The following RIOK3 variants were observed in gnomAD, a reference collection of about 807,000 sequenced individuals.
The protein encoded by RIOK3 is serine/threonine-protein kinase RIO3.
Under a neutral mutation model 63.5 loss-of-function variants are expected in RIOK3, and 40 were observed. That is an observed-to-expected ratio of 0.63 (90% CI 0.49 to 0.82). RIOK3 has a LOEUF of 0.82. Among genes scored for constraint, RIOK3 ranks in the 40% least tolerant of loss-of-function variants. The probability of loss-of-function intolerance (pLI) is 0.00; values close to 1 mark genes in which losing one functional copy is unlikely to be tolerated. For missense variants in RIOK3, 557 were observed against 637.0 expected, an observed-to-expected ratio of 0.87 and a Z score of 1.35; for synonymous variants, 193 against 205.0, an observed-to-expected ratio of 0.94 and a Z score of 0.50.
rs560105020 is a variant in RIOK3, at chr18:23,477,012, C to T, written c.1180C>T (p.Arg394Trp). 3.1e-4 allele frequency: 492 copies of T among 1,612,434 alleles called. 3 individuals are homozygous for T. The South Asian group carries it at 4.7e-3, about 15-fold the overall frequency. ...EAYYQTLHLM[R>W]QLYHECTLVH... ...GTGCCTTCCCTCTTCACAGTTGATG[C>T]GGCAGTTATATCATGAATGTACGCT... Residue 394 changes from arginine (R) to tryptophan (W), a missense_variant, in exon 10 of 13, where the codon CGG (arginine) becomes TGG (tryptophan). Arg to Trp is a moderately radical substitution (Grantham distance 101). Around this residue, in one of 3 missense-constraint regions of RIOK3, gnomAD observed 309 missense variants for 338.7 expected, o/e 0.91. Coordinates refer to ENST00000339486, the MANE Select transcript of RIOK3 (RefSeq NM_003831.5).
At chr18:23,461,829 C>T (rs1380210681) in intron 1 of RIOK3, among the ~76,000 whole-genome samples, 1 of 151,988 alleles carries the variant, frequency 6.6e-6, no homozygotes, top group Non-Finnish European at 1.5e-5. Context: ...GTGGCTCACA[C>T]CTGTAATCCC....
intron 1 of RIOK3, among the ~76,000 whole-genome samples, chr18:23,461,182 C>T (rs1317765056): frequency 6.6e-6 from 1 of 152,186 alleles, no homozygotes; most frequent in Non-Finnish European, 1.5e-5. Flanking sequence ...CTCTGAGTGT[C>T]ATGCAGCAGG....
At chr18:23,467,746 C>T (rs559960194) in intron 7 of RIOK3, among the ~76,000 whole-genome samples, 2 of 151,316 alleles carry the variant, frequency 1.3e-5, no homozygotes, top group African/African-American at 2.4e-5. Flanking sequence ...TAGACTTCTC[C>T]AGTTTTTTTC....
At chr18:23,470,544 T>C (rs1020327395) in intron 7 of RIOK3, among the ~76,000 whole-genome samples, 4 of 152,234 alleles carry the variant, frequency 2.6e-5, no homozygotes, top group African/African-American at 7.2e-5. Flanking sequence ...ATGATAGTTA[T>C]TGCCTCTGGT....
At chr18:23,476,217 GA>G (rs2057489999) in intron 9 of RIOK3, among the ~76,000 whole-genome samples, 1 of 152,164 alleles carries the variant, frequency 6.6e-6, no homozygotes, top group Non-Finnish European at 1.5e-5. Flanking sequence ...GAATCTCAAG[GA>G]AACTACATGC....
chr18:23,465,456 C>G (rs1182894334), intron 5 of RIOK3, among the ~76,000 whole-genome samples: 1 of 151,936 alleles, frequency 6.6e-6, no homozygotes, highest in African/African-American at 2.4e-5. Flanking sequence ...GATTTTAAAG[C>G]ACAAATGCTT....
At chr18:23,472,232 C>CAAAA in intron 7 of RIOK3, among the ~76,000 whole-genome samples, 1 of 138,908 alleles carries the variant, frequency 7.2e-6, no homozygotes, top group African/African-American at 2.6e-5. Flanking sequence ...GACTCTGTCT[C>CAAAA]AAAAAAAAAA....
intron 1 of RIOK3, among the ~76,000 whole-genome samples, chr18:23,459,479 C>CTA (rs2057360794): frequency 6.6e-6 from 1 of 152,254 alleles, no homozygotes; most frequent in Non-Finnish European, 1.5e-5. Flanking sequence ...TGCATGAACC[C>CTA]TAATACAGTG....
intron 1 of RIOK3, among the ~76,000 whole-genome samples, chr18:23,455,932 G>A (rs552824136): frequency 2.0e-5 from 3 of 152,188 alleles, no homozygotes; most frequent in South Asian, 2.1e-4. Flanking sequence ...CAAGTAGCTG[G>A]GACTACAGGT....
In RIOK3 at chr18:23,464,626, A is replaced by G; in HGVS notation, c.541A>G (p.Asn181Asp). ...GAGAAAGAACACAGCAAGAATGGAAAATGTAAGTTACAGAAAGTATCTATC... is the reference window on the plus strand; with the variant it reads ...GAGAAAGAACACAGCAAGAATGGAAGATGTAAGTTACAGAAAGTATCTATC... The part of the protein sequence containing the change: ...CGRKNTARME[N>D]FAPEFQVGDG... The change falls in exon 5 of 13, where the codon AAT (asparagine) becomes GAT (aspartate). Residue 181 changes from asparagine (N) to aspartate (D), a missense_variant and splice_region_variant. Asn to Asp is a conservative substitution (Grantham distance 23). Around this residue, in one of 3 missense-constraint regions of RIOK3, gnomAD observed 243 missense variants for 275.4 expected, o/e 0.88. Coordinates refer to ENST00000339486, the MANE Select transcript of RIOK3 (RefSeq NM_003831.5). The G allele has an allele frequency of 6.4e-7, 1 of 1,555,888 alleles. No individual in the cohort carries two copies. The highest frequency in any genetic ancestry group is 1.2e-5 in the South Asian group (1 of 83,922).
chr18:23,457,363 A>G (rs564075384), intron 1 of RIOK3, among the ~76,000 whole-genome samples: 21 of 152,372 alleles, frequency 1.4e-4, no homozygotes, highest in East Asian at 1.3e-3. Context: ...ATCAAAAACA[A>G]GGAAAGTCTG....
chr18:23,478,176 G>A (rs1283924139), intron 11 of RIOK3, among the ~76,000 whole-genome samples: 1 of 152,084 alleles, frequency 6.6e-6, no homozygotes, highest in Non-Finnish European at 1.5e-5. Flanking sequence ...TTAAACAGAA[G>A]CTGGTGTGCC....
intron 7 of RIOK3, among the ~76,000 whole-genome samples, chr18:23,471,096 A>C (rs1201837725): frequency 6.6e-6 from 1 of 152,248 alleles, no homozygotes; most frequent in African/African-American, 2.4e-5. Context: ...TCTCTGGTCT[A>C]ATGGAATATG....
intron 7 of RIOK3, among the ~76,000 whole-genome samples, chr18:23,469,487 CTTCTTTCTTTTTTTTTTT>C (rs1428472575): frequency 1.4e-5 from 2 of 138,904 alleles, no homozygotes; most frequent in African/African-American, 5.4e-5. Flanking sequence ...TTTTTCTTTC[CTTCTTTCTTTTTTTTTTT>C]GAGATGGAGT....
chr18:23,454,963 G>A (rs185040444), intron 1 of RIOK3, among the ~76,000 whole-genome samples: 57 of 152,300 alleles, frequency 3.7e-4, no homozygotes, highest in Admixed American at 5.2e-4. Flanking sequence ...AAAAATGGAA[G>A]GATTCTCAAA....
At position 23,464,229 on chromosome 18, in the gene RIOK3, C is replaced by T. The variant is rs756927666; in HGVS notation, c.349C>T (p.Arg117Ter). The change falls in exon 4 of 13, where the codon CGA becomes TGA. Residue 117 changes from arginine to a stop codon, truncating the protein, a stop_gained. Coordinates refer to ENST00000339486, the MANE Select transcript of RIOK3 (RefSeq NM_003831.5). LOFTEE classifies it high-confidence loss of function. ...SKVSISFENYRKVHPYEDSDS... is the reference protein window; with the variant it reads ...SKVSISFENY ...AGTTTCCATTTCCTTTGAAAATTAT[C>T]GAAAAGTGCATCCTTATGAAGACAG... The T allele has an allele frequency of 6.8e-6, 11 of 1,613,372 alleles. No homozygotes were observed. Among genetic ancestry groups the T allele is most frequent in the Non-Finnish European group, 9.3e-6 (11 of 1,179,756 alleles).
Position 23,473,605 on chromosome 18 carries a change from A to G in RIOK3, c.992A>G (p.Lys331Arg). 1 of 1,613,284 alleles carries G rather than the reference A, an allele frequency of 6.2e-7. No individual in the cohort carries two copies. Among genetic ancestry groups the G allele is most frequent in the Non-Finnish European group, 8.5e-7 (1 of 1,179,478 alleles). ...AAGATCATCCGCATGTGGGCAGAAA[A>G]AGAAATGCACAATCTCGCAAGGTAA... ...PRKIIRMWAEKEMHNLARMQR... is the reference protein window; with the variant it reads ...PRKIIRMWAEREMHNLARMQR... Residue 331 changes from lysine to arginine, a missense_variant, in exon 8 of 13, where the codon AAA becomes AGA. Around this residue, in one of 3 missense-constraint regions of RIOK3, gnomAD observed 309 missense variants for 338.7 expected, o/e 0.91. Coordinates refer to ENST00000339486, the MANE Select transcript of RIOK3 (RefSeq NM_003831.5).
chr18:23,460,856 C>A (rs1488068549), intron 1 of RIOK3, among the ~76,000 whole-genome samples: 1 of 152,208 alleles, frequency 6.6e-6, no homozygotes, highest in Non-Finnish European at 1.5e-5. Flanking sequence ...CAGGAGAGTT[C>A]TCCACTCAAT....
intron 1 of RIOK3, 107 bp downstream of exon 1, chr18:23,453,609 G>A: frequency 1.0e-6 from 1 of 988,896 alleles, no homozygotes; most frequent in Non-Finnish European, 1.6e-6. Flanking sequence ...TTCTGGGGCG[G>A]GACCCCGCGG....
Sources: gnomAD v4.1 joint callset for allele counts (sites outside exome capture counted in the v4.1 genomes callset) on GRCh38, gnomAD v4.1.1 for gene constraint, gnomAD v4.1.1 regional missense constraint, MANE v1.5 for transcripts, NCBI Gene and HGNC (gene_info 2026-07-23, HGNC 2026-07-21) for gene names.